SCUBE1: variants seen among roughly 807,000 people sequenced by gnomAD.
SCUBE1 encodes the protein signal peptide, CUB and EGF-like domain-containing protein 1.
In SCUBE1, 59 loss-of-function variants were observed where a neutral mutation model predicts 124.4. The observed-to-expected ratio is 0.47, with a 90% CI of 0.38 to 0.59. SCUBE1 has a LOEUF of 0.59. Ranked by LOEUF, SCUBE1 falls within the 20% of genes least tolerant of loss-of-function variation. The pLI is 0.00. For missense variants in SCUBE1, 1,150 were observed against 1,371.2 expected (o/e 0.84, Z 2.55); for synonymous variants, 545 against 550.9 (o/e 0.99, Z 0.15).
intron 4 of SCUBE1, among the ~76,000 whole-genome samples, chr22:43,279,146 G>T (rs1475336277): frequency 6.6e-6 from 1 of 152,176 alleles, no homozygotes; most frequent in Admixed American, 6.5e-5. Flanking sequence ...GGCTGCCCCA[G>T]ACGCTGCTGG....
chr22:43,208,926 C>T (rs1921416316), intron 19 of SCUBE1, among the ~76,000 whole-genome samples: 2 of 152,132 alleles, frequency 1.3e-5, no homozygotes, highest in Non-Finnish European at 2.9e-5. Flanking sequence ...TGGGGGCCTT[C>T]CCGAGGAGCC....
intron 2 of SCUBE1, among the ~76,000 whole-genome samples, chr22:43,325,425 A>G (rs573355545): frequency 6.7e-6 from 1 of 149,668 alleles, no homozygotes; most frequent in South Asian, 2.1e-4. Context: ...CCTGGGCAAC[A>G]AGAGCAAAAC....
At chr22:43,221,427 C>G in intron 12 of SCUBE1, 138 bp from the exon 13 acceptor site, 1 of 645,194 alleles carries the variant, frequency 1.5e-6, no homozygotes, top group South Asian at 1.7e-5. Context: ...CCCGACAGCT[C>G]TCCTGGGGTG....
intron 3 of SCUBE1, among the ~76,000 whole-genome samples, chr22:43,295,307 T>G (rs1020758023): frequency 3.9e-5 from 6 of 152,242 alleles, no homozygotes; most frequent in Non-Finnish European, 8.8e-5. Flanking sequence ...CTTCCTTCAC[T>G]ACTTCCTTCC....
intron 4 of SCUBE1, among the ~76,000 whole-genome samples, chr22:43,287,444 G>C (rs995012041): frequency 6.6e-6 from 1 of 152,220 alleles, no homozygotes; most frequent in Non-Finnish European, 1.5e-5. Context: ...TGGAGAGCTG[G>C]AGCTGAGAAC....
At chr22:43,214,885 A>T (rs975649195) in intron 15 of SCUBE1, among the ~76,000 whole-genome samples, 1 of 151,824 alleles carries the variant, frequency 6.6e-6, no homozygotes, top group Admixed American at 6.6e-5. Context: ...GCTGGAGAAG[A>T]TGCTTACAAA....
chr22:43,333,200 G>T (rs5759289), intron 2 of SCUBE1, among the ~76,000 whole-genome samples: 60,837 of 152,098 alleles, frequency 0.4, 14,053 homozygotes, highest in African/African-American at 0.63. Context: ...CACACAGCCA[G>T]GACTTTGCCT....
rs1033596305 is a variant in SCUBE1, at chr22:43,303,616, C to T, written c.350-12436G>A. The stretch of plus-strand genomic sequence containing the variant: ...CACTCGCTTGGCTGAGGCACTGGCA[C>T]GCTCGCAGGCCTCCCCACAGCCAAC... On this transcript the variant is annotated intron_variant, in intron 3 of 21. Coordinates refer to ENST00000360835, the MANE Select transcript of SCUBE1 (RefSeq NM_173050.5). Among the ~76,000 whole-genome samples, 10 of 152,232 alleles carry T rather than the reference C, an allele frequency of 6.6e-5. No homozygotes were observed. The East Asian group carries it at 9.6e-4, about 15-fold the overall frequency.
chr22:43,306,583 G>T (rs928712880), intron 3 of SCUBE1, among the ~76,000 whole-genome samples: 1 of 152,150 alleles, frequency 6.6e-6, no homozygotes, highest in Non-Finnish European at 1.5e-5. Context: ...GCCTCATACA[G>T]GGATGCAATC....
intron 2 of SCUBE1, among the ~76,000 whole-genome samples, chr22:43,326,544 C>T (rs1321771430): frequency 6.6e-6 from 1 of 152,152 alleles, no homozygotes; most frequent in Non-Finnish European, 1.5e-5. Flanking sequence ...GGGCCCCTGG[C>T]ATCCATCGAT....
At chr22:43,317,950 G>A (rs1926409341) in intron 3 of SCUBE1, among the ~76,000 whole-genome samples, 1 of 152,304 alleles carries the variant, frequency 6.6e-6, no homozygotes, top group South Asian at 2.1e-4. Context: ...TGAAGACAGA[G>A]GGAGGATGCC....
intron 10 of SCUBE1, among the ~76,000 whole-genome samples, chr22:43,227,149 T>C (rs1922350396): frequency 6.6e-6 from 1 of 152,186 alleles, no homozygotes; most frequent in South Asian, 2.1e-4. Context: ...CCTGTTGCAG[T>C]GCCTCTGGCT....
chr22:43,340,724 C>T (rs1230462078), intron 1 of SCUBE1, among the ~76,000 whole-genome samples: 1 of 152,156 alleles, frequency 6.6e-6, no homozygotes, highest in African/African-American at 2.4e-5. Flanking sequence ...TTCCTATGTG[C>T]CATGTGACTT....
At chr22:43,273,049 T>A (rs1034609926) in intron 4 of SCUBE1, among the ~76,000 whole-genome samples, 3 of 152,208 alleles carry the variant, frequency 2.0e-5, no homozygotes, top group Non-Finnish European at 2.9e-5. Flanking sequence ...ACGCATTCCT[T>A]CACTCCCTCA....
chr22:43,220,357 C>T, intron 14 of SCUBE1, 93 bp downstream of exon 14: 1 of 1,430,658 alleles, frequency 7.0e-7, no homozygotes. Flanking sequence ...CTGGTGGGAG[C>T]CTAGCTTCAT....
At chr22:43,214,920 G>C (rs1921743966) in intron 15 of SCUBE1, among the ~76,000 whole-genome samples, 1 of 152,222 alleles carries the variant, frequency 6.6e-6, no homozygotes, top group Admixed American at 6.5e-5. Flanking sequence ...GTGAAGGTTA[G>C]AAAAGACCCT....
At chr22:43,207,664 C>A in intron 20 of SCUBE1, 51 bp from the exon 21 acceptor site, 1 of 1,408,514 alleles carries the variant, frequency 7.1e-7, no homozygotes, top group Non-Finnish European at 1.0e-6. Flanking sequence ...TTGAGGCCCA[C>A]GTGCTCCCCT....
intron 2 of SCUBE1, among the ~76,000 whole-genome samples, chr22:43,329,058 C>T (rs1363429935): frequency 1.3e-5 from 2 of 152,212 alleles, no homozygotes; most frequent in Non-Finnish European, 1.5e-5. Flanking sequence ...CTGGGGCCTG[C>T]GGGCCTTGTG....
At position 43,210,064 on chromosome 22, in the gene SCUBE1, C is replaced by T; in HGVS notation, c.2560G>A (p.Val854Ile). The part of the protein sequence containing the change: ...FLPIEDECGD[V>I]LVMRKSASPT... ...ATACCACTCTTCCTCATGACCAGAA[C>T]ATCGCCGCACTCATCCTCGATGGGC... The change falls in exon 19 of 22, where the codon GTT (valine) becomes ATT (isoleucine). Residue 854 changes from valine to isoleucine, a missense_variant. Val to Ile is a conservative substitution (Grantham distance 29). Around this residue, in one of 3 missense-constraint regions of SCUBE1, gnomAD observed 757 missense variants for 840.9 expected, o/e 0.90. Transcript: ENST00000360835. This position sits in a 1 kb window ranked among gnomAD's most constrained non-coding sequence, Gnocchi z 4.5. 6.2e-7 allele frequency: 1 copy of T among 1,609,876 alleles called. No individual in the cohort carries two copies. The highest frequency in any genetic ancestry group is 8.5e-7 in the Non-Finnish European group (1 of 1,178,128).
Sources: gnomAD v4.1 joint callset for allele counts (sites outside exome capture counted in the v4.1 genomes callset) on GRCh38, gnomAD v4.1.1 for gene constraint, gnomAD v4.1.1 regional missense constraint, Gnocchi (gnomAD v3.1) non-coding constraint, MANE v1.5 for transcripts, NCBI Gene and HGNC (gene_info 2026-07-23, HGNC 2026-07-21) for gene names.